Variants in DLG2 observed in about 807,000 individuals in gnomAD.
The protein encoded by DLG2 is discs large MAGUK scaffold protein 2, also known as disks large homolog 2.
In DLG2, 45 loss-of-function variants were observed where a neutral mutation model predicts 132.5. The observed-to-expected ratio is 0.34, with a 90% CI of 0.27 to 0.44. The LOEUF (loss-of-function observed/expected upper bound fraction) is 0.44, where lower values mean the gene tolerates loss of function less well. DLG2 is among the 20% of genes least tolerant of loss of function. DLG2 has a pLI of 1.00. For synonymous variants in DLG2, 424 were observed against 419.6 expected (o/e 1.01, Z -0.13); for missense variants, 1,045 against 1,196.9 (o/e 0.87, Z 1.87).
intron 26 of DLG2, among the ~76,000 whole-genome samples, chr11:83,464,888 T>C (rs2090727082): frequency 6.6e-6 from 1 of 152,228 alleles, no homozygotes; most frequent in African/African-American, 2.4e-5. Flanking sequence ...GTAAGGACTA[T>C]TTTTCTTCTC....
At chr11:85,100,540 C>A (rs148305058) in intron 6 of DLG2, among the ~76,000 whole-genome samples, 1 of 151,914 alleles carries the variant, frequency 6.6e-6, no homozygotes. Flanking sequence ...AAGTGATGGC[C>A]GAAAAGATCA....
chr11:84,531,123 A>G (rs1369899183), intron 7 of DLG2, among the ~76,000 whole-genome samples: 5 of 152,202 alleles, frequency 3.3e-5, no homozygotes, highest in African/African-American at 1.2e-4. Flanking sequence ...TTCAAAAAAG[A>G]AAAGAAAAAA....
At chr11:85,065,053 A>G (rs1199160997) in intron 6 of DLG2, among the ~76,000 whole-genome samples, 1 of 151,586 alleles carries the variant, frequency 6.6e-6, no homozygotes. Context: ...AATTAGTACA[A>G]AAGTTTCTAA....
intron 7 of DLG2, among the ~76,000 whole-genome samples, chr11:84,298,318 T>G (rs1460081543): frequency 3.3e-5 from 5 of 152,198 alleles, no homozygotes; most frequent in Non-Finnish European, 7.3e-5. Flanking sequence ...TAAGGTATAT[T>G]TTAACTAGTC....
At chr11:84,973,983 G>C (rs185263014) in intron 6 of DLG2, among the ~76,000 whole-genome samples, 19 of 152,236 alleles carry the variant, frequency 1.2e-4, no homozygotes, top group Admixed American at 7.9e-4. Flanking sequence ...TGGCCCACTA[G>C]CCACCATTTA....
intron 18 of DLG2, among the ~76,000 whole-genome samples, chr11:83,707,209 C>T (rs967809150): frequency 3.3e-5 from 5 of 152,146 alleles, no homozygotes; most frequent in Admixed American, 6.5e-5. Context: ...TCCCCCAGGG[C>T]CTATAAGCAT....
intron 17 of DLG2, among the ~76,000 whole-genome samples, chr11:83,794,849 T>C (rs2042406440): frequency 6.6e-6 from 1 of 152,092 alleles, no homozygotes; most frequent in Non-Finnish European, 1.5e-5. Flanking sequence ...CCTGTCTAAT[T>C]CCGAGGGTCT....
chr11:84,877,374 T>C (rs1170850902), intron 6 of DLG2, among the ~76,000 whole-genome samples: 1 of 152,106 alleles, frequency 6.6e-6, no homozygotes, highest in Non-Finnish European at 1.5e-5. Context: ...GCTCCTATAG[T>C]GGGGGCATAT....
chr11:84,400,320 G>A (rs750637764), intron 7 of DLG2, among the ~76,000 whole-genome samples: 16 of 152,160 alleles, frequency 1.1e-4, no homozygotes, highest in Admixed American at 4.6e-4. Context: ...GTTATTTATC[G>A]GCTAAATAAG....
chr11:85,324,830 C>T (rs567779809), intron 3 of DLG2, among the ~76,000 whole-genome samples: 12 of 151,664 alleles, frequency 7.9e-5, no homozygotes, highest in South Asian at 2.1e-4. Context: ...ACGCAGAAGA[C>T]GGGTGATTTC....
At chr11:85,294,916 G>A (rs948222134) in intron 3 of DLG2, among the ~76,000 whole-genome samples, 17 of 152,066 alleles carry the variant, frequency 1.1e-4, no homozygotes, top group African/African-American at 3.9e-4. Context: ...TATTTTTGTG[G>A]CCCAAATAAG....
intron 18 of DLG2, among the ~76,000 whole-genome samples, chr11:83,639,700 A>T (rs1465675657): frequency 1.3e-5 from 2 of 151,956 alleles, no homozygotes; most frequent in Admixed American, 6.6e-5. Flanking sequence ...TGGCACATGT[A>T]TACATATGTA....
chr11:85,470,541 G>A (rs1443933981), intron 3 of DLG2, among the ~76,000 whole-genome samples: 1 of 152,128 alleles, frequency 6.6e-6, no homozygotes, highest in Non-Finnish European at 1.5e-5. Context: ...TGGCCCACAT[G>A]GTGAAACCCC....
At chr11:83,522,627 T>C (rs2095509590) in intron 21 of DLG2, among the ~76,000 whole-genome samples, 1 of 152,190 alleles carries the variant, frequency 6.6e-6, no homozygotes. Context: ...ACTTATTGGT[T>C]GAGTGCCATG....
intron 6 of DLG2, among the ~76,000 whole-genome samples, chr11:84,862,913 A>T (rs1297247115): frequency 6.6e-6 from 1 of 151,670 alleles, no homozygotes; most frequent in African/African-American, 2.4e-5. Context: ...ACCATGGCAC[A>T]TGTATACCTA....
At position 85,285,141 on chromosome 11, in the gene DLG2, A is replaced by G. The variant is rs145444137; in HGVS notation, c.186+79T>C. On this transcript the variant is annotated intron_variant, in intron 4 of 27. Coordinates refer to ENST00000376104, the MANE Select transcript of DLG2 (RefSeq NM_001142699.3). ...TTGTTGTTGCCATTTGTTGATAATA[A>G]TCACCACTACTACCATTACTTCTTT... 8.7e-5 allele frequency: 107 copies of G among 1,234,636 alleles called. No homozygotes were observed. In the African/African-American group the frequency reaches 1.5e-3, roughly 17 times the overall value. The allele number at this position is 1,234,636 out of a possible 1,614,324, so 76.5% of individuals were successfully genotyped here.
intron 17 of DLG2, among the ~76,000 whole-genome samples, chr11:83,818,200 G>A (rs536208620): frequency 6.6e-6 from 1 of 152,248 alleles, no homozygotes; most frequent in Admixed American, 6.5e-5. Context: ...TTATTCAGAG[G>A]CCAAATAGTC....
chr11:85,266,343 ACTTGTGTG>A (rs2077209640), intron 4 of DLG2, among the ~76,000 whole-genome samples: 2 of 152,164 alleles, frequency 1.3e-5, no homozygotes, highest in Admixed American at 1.3e-4. Context: ...CCATTCCCAT[ACTTGTGTG>A]CTTGTGTGCT....
At chr11:84,005,703 T>C (rs903580156) in intron 11 of DLG2, among the ~76,000 whole-genome samples, 6 of 151,364 alleles carry the variant, frequency 4.0e-5, no homozygotes, top group African/African-American at 1.2e-4. Flanking sequence ...TCTCAAAAGA[T>C]GACATTCAAA....
Sources: allele counts gnomAD v4.1 joint callset (sites outside exome capture counted in the v4.1 genomes callset), GRCh38; gene constraint gnomAD v4.1.1; transcripts MANE v1.5; gene names NCBI Gene and HGNC (gene_info 2026-07-23, HGNC 2026-07-21).